ZC3H7A: variants seen among roughly 807,000 people sequenced by gnomAD.
ZC3H7A encodes the protein zinc finger CCCH-type containing 7A.
In ZC3H7A, 44 loss-of-function variants were observed where a neutral mutation model predicts 125.5. That is an observed-to-expected ratio of 0.35 (90% confidence interval 0.28 to 0.45). The LOEUF (loss-of-function observed/expected upper bound fraction) is 0.45. Among genes scored for constraint, ZC3H7A ranks in the 20% least tolerant of loss-of-function variants. ZC3H7A has a pLI of 1.00. For missense variants in ZC3H7A, 977 were observed against 1,170.7 expected, an observed-to-expected ratio of 0.83 and a Z score of 2.41; for synonymous variants, 399 against 391.2, an observed-to-expected ratio of 1.02 and a Z score of -0.23.
chr16:11,784,578 G>A (rs983226828), intron 1 of ZC3H7A, among the ~76,000 whole-genome samples: 5 of 151,888 alleles, frequency 3.3e-5, no homozygotes, highest in African/African-American at 4.8e-5. Flanking sequence ...AAAAGAGGCC[G>A]GGCGCAGTGG....
At chr16:11,790,523 G>T (rs1406806065) in intron 1 of ZC3H7A, among the ~76,000 whole-genome samples, 1 of 152,068 alleles carries the variant, frequency 6.6e-6, no homozygotes, top group Non-Finnish European at 1.5e-5. Context: ...TGACAGCAAA[G>T]GTGTTGTTGT....
intron 1 of ZC3H7A, among the ~76,000 whole-genome samples, chr16:11,786,612 C>T (rs987146946): frequency 2.0e-5 from 3 of 152,092 alleles, no homozygotes; most frequent in African/African-American, 4.8e-5. Flanking sequence ...TGGATACAGA[C>T]GTTTTTAATG....
intron 1 of ZC3H7A, among the ~76,000 whole-genome samples, chr16:11,787,188 G>A (rs370001305): frequency 4.6e-5 from 7 of 152,208 alleles, no homozygotes; most frequent in African/African-American, 1.7e-4. Context: ...TGTAGTCCTA[G>A]CTACTCAGGA....
intron 1 of ZC3H7A, chr16:11,796,640 G>C (rs1430476389): frequency 6.6e-6 from 1 of 152,352 alleles, no homozygotes; most frequent in Non-Finnish European, 1.5e-5. Context: ...GCCCGGCCCA[G>C]GGCTGCACCC....
intron 22 of ZC3H7A, 23 bp downstream of exon 22, chr16:11,752,646 A>G: frequency 1.9e-6 from 3 of 1,589,112 alleles, no homozygotes; most frequent in Non-Finnish European, 2.6e-6. Context: ...TCTGACATGG[A>G]AAAATTGTAG....
At chr16:11,784,705 T>C (rs2053228280) in intron 1 of ZC3H7A, among the ~76,000 whole-genome samples, 1 of 151,744 alleles carries the variant, frequency 6.6e-6, no homozygotes, top group Admixed American at 6.6e-5. Flanking sequence ...AAATACAAAA[T>C]TAGCTGGGCA....
At chr16:11,787,070 A>G (rs1400381143) in intron 1 of ZC3H7A, among the ~76,000 whole-genome samples, 1 of 152,172 alleles carries the variant, frequency 6.6e-6, no homozygotes, top group African/African-American at 2.4e-5. Flanking sequence ...GCACCTTGGG[A>G]GGCCAAGGCA....
chr16:11,756,639 ATGTTTAAAAC>A, intron 20 of ZC3H7A, among the ~76,000 whole-genome samples: 1 of 152,280 alleles, frequency 6.6e-6, no homozygotes, highest in Middle Eastern at 3.4e-3. Flanking sequence ...CACTTTGGGG[ATGTTTAAAAC>A]TCAGAAACCA....
Position 11,794,064 on chromosome 16 carries a change from C to G in ZC3H7A, c.-35+3060G>C, listed in dbSNP as rs145144091. 1.6e-3 allele frequency among the ~76,000 whole-genome samples: 238 copies of G among 152,318 alleles called. 2 individuals are homozygous for G. Among genetic ancestry groups the G allele is most frequent in the African/African-American group, 5.4e-3 (223 of 41,558 alleles). On this transcript the variant is annotated intron_variant, in intron 1 of 22. Transcript: ENST00000355758. Reference sequence around the variant, plus strand: ...CCTGCTAAGTGGTGGTTCCCAGGAACATCTCATCTTATCTATGACCTCTGT... The same window carrying G: ...CCTGCTAAGTGGTGGTTCCCAGGAAGATCTCATCTTATCTATGACCTCTGT...
At chr16:11,770,406 C>T (rs1282260161) in intron 10 of ZC3H7A, among the ~76,000 whole-genome samples, 1 of 152,164 alleles carries the variant, frequency 6.6e-6, no homozygotes, top group Non-Finnish European at 1.5e-5. Flanking sequence ...AAATACTGAT[C>T]TTAAATTAGT....
rs547171429 is a variant in ZC3H7A at position 11,751,003 on chromosome 16, T to A, written c.*314A>T. 3 of 200,902 alleles carry A rather than the reference T, an allele frequency of 1.5e-5. No homozygotes were observed. Among genetic ancestry groups the A allele is most frequent in the Non-Finnish European group, 3.0e-5 (3 of 100,302 alleles). 12.4% of individuals were successfully genotyped at this position (200,902 alleles called of 1,614,324 possible). On this transcript the variant is annotated 3_prime_UTR_variant, in exon 23 of 23. Transcript: ENST00000355758. ...TATTCTCTTACCGTCACGATTCTTA[T>A]ATGAAGGACCAACTCAAAGAGTTGT...
chr16:11,785,015 G>A (rs889205228), intron 1 of ZC3H7A, among the ~76,000 whole-genome samples: 1 of 151,838 alleles, frequency 6.6e-6, no homozygotes, highest in Non-Finnish European at 1.5e-5. Flanking sequence ...AGAATTAGCC[G>A]GGCGTGGTGG....
At chr16:11,784,976 T>C (rs2053233878) in intron 1 of ZC3H7A, among the ~76,000 whole-genome samples, 1 of 151,100 alleles carries the variant, frequency 6.6e-6, no homozygotes, top group Non-Finnish European at 1.5e-5. Flanking sequence ...CTGGCCAACA[T>C]GGGGAAACCC....
intron 21 of ZC3H7A, among the ~76,000 whole-genome samples, chr16:11,755,270 T>A (rs2052623406): frequency 6.8e-6 from 1 of 148,022 alleles, no homozygotes; most frequent in African/African-American, 2.5e-5. Flanking sequence ...CCTGGAAAAA[T>A]ACACACTGGA....
chr16:11,774,193 T>G (rs777380911), intron 9 of ZC3H7A, 43 bp downstream of exon 9: 2 of 1,457,450 alleles, frequency 1.4e-6, no homozygotes, highest in East Asian at 4.8e-5. Flanking sequence ...TTTAAAAAGT[T>G]AACTCTGTCT....
At chr16:11,784,808 C>CACG (rs2053229903) in intron 1 of ZC3H7A, among the ~76,000 whole-genome samples, 1 of 128,940 alleles carries the variant, frequency 7.8e-6, no homozygotes, top group Non-Finnish European at 1.6e-5. Context: ...GAGCCAAGAT[C>CACG]ACGTCATTGC....
rs150512321 is a variant in ZC3H7A, at chr16:11,754,313, GA to G, written c.2563-1482del. Among the ~76,000 whole-genome samples the G allele has an allele frequency of 3.6e-3, 431 of 119,814 alleles. 2 individuals are homozygous for G. The highest frequency in any genetic ancestry group is 0.011 in the African/African-American group (329 of 30,184). 78.6% of individuals were successfully genotyped at this position (119,814 alleles called of 152,430 possible). A position where few individuals can be genotyped will look rare whatever the true frequency, so the allele number is the denominator to read the frequency against. On this transcript the variant is annotated intron_variant, in intron 21 of 22. Coordinates refer to ENST00000355758, the MANE Select transcript of ZC3H7A (RefSeq NM_014153.4). ...TCTCAAAAAAAAAAAAAAAAAGGAAGAAAAAAAAATATATATATATATATAA... is the reference window on the plus strand; with the variant it reads ...TCTCAAAAAAAAAAAAAAAAAGGAAGAAAAAAAATATATATATATATATAA...
chr16:11,762,273 T>A (rs971603889), intron 17 of ZC3H7A, among the ~76,000 whole-genome samples: 1 of 152,160 alleles, frequency 6.6e-6, no homozygotes, highest in African/African-American at 2.4e-5. Flanking sequence ...ATGAAACTCA[T>A]CTTTGAAATT....
rs941533864 is a variant in ZC3H7A at position 11,752,826 on chromosome 16, A to G, written c.2569T>C (p.Phe857Leu). ...PTDYAEVTVD[F>L]HCWMCGKNCN... ...TTTTTCCCACACATCCAGCAGTGAAAGTCCACCTAATGTGCAGCAAAGACA... is the reference window on the plus strand; with the variant it reads ...TTTTTCCCACACATCCAGCAGTGAAGGTCCACCTAATGTGCAGCAAAGACA... Residue 857 changes from phenylalanine to leucine, a missense_variant, in exon 22 of 23, where the codon TTT (phenylalanine) becomes CTT (leucine). Coordinates refer to ENST00000355758, the MANE Select transcript of ZC3H7A (RefSeq NM_014153.4). 2.5e-6 allele frequency: 4 copies of G among 1,612,626 alleles called. No homozygotes were observed. The highest frequency in any genetic ancestry group is 1.3e-5 in the African/African-American group (1 of 74,788).
Sources: gnomAD v4.1 joint callset for allele counts (sites outside exome capture counted in the v4.1 genomes callset) on GRCh38, gnomAD v4.1.1 for gene constraint, MANE v1.5 for transcripts, NCBI Gene and HGNC (gene_info 2026-07-23, HGNC 2026-07-21) for gene names.